Variants in CEP128 observed in about 807,000 individuals in gnomAD.
CEP128 encodes the protein centrosomal protein 128, also known as centrosomal protein 128kDa.
A neutral mutation model predicts 156.7 loss-of-function variants in CEP128; 132 were observed. The ratio of observed to expected loss-of-function variants is 0.84; its 90% confidence interval spans 0.73 to 0.97. The LOEUF (loss-of-function observed/expected upper bound fraction) is 0.97. Among genes scored for constraint, CEP128 ranks in the 50% least tolerant of loss-of-function variants. The pLI, the probability that CEP128 is intolerant of heterozygous loss-of-function variation, is 0.00. For missense variants in CEP128, 1,252 were observed against 1,281.9 expected, an observed-to-expected ratio of 0.98 and a Z score of 0.36; for synonymous variants, 469 against 448.9, an observed-to-expected ratio of 1.04 and a Z score of -0.57.
chr14:80,485,685 G>A (rs61979241), downstream of CEP128, among the ~76,000 whole-genome samples: 700 of 152,184 alleles, frequency 4.6e-3, 7 homozygotes, highest in Non-Finnish European at 5.0e-3. Flanking sequence ...GCACATAATA[G>A]GTCCACAAGA....
intron 19 of CEP128, among the ~76,000 whole-genome samples, chr14:80,694,951 A>C (rs976671541): frequency 1.3e-5 from 2 of 152,146 alleles, no homozygotes; most frequent in East Asian, 3.9e-4. Context: ...TCCTTAAAAC[A>C]AGAGATTTAG....
At chr14:80,748,395 G>A (rs1158837452) in intron 18 of CEP128, among the ~76,000 whole-genome samples, 2 of 152,020 alleles carry the variant, frequency 1.3e-5, no homozygotes, top group East Asian at 3.9e-4. Context: ...AAGAATACAG[G>A]AAAAATATAA....
chr14:80,484,602 C>A (rs1012761165), intron 14 of CEP128, among the ~76,000 whole-genome samples: 1 of 152,140 alleles, frequency 6.6e-6, no homozygotes, highest in Non-Finnish European at 1.5e-5. Flanking sequence ...TGGTGATTGC[C>A]ACTTTGATAG....
At chr14:80,653,131 T>C (rs1894980466) in intron 19 of CEP128, among the ~76,000 whole-genome samples, 1 of 152,088 alleles carries the variant, frequency 6.6e-6, no homozygotes, top group Non-Finnish European at 1.5e-5. Context: ...AAGTGGGAGT[T>C]GAACAATGAG....
rs1370571797 is a variant in CEP128 at position 80,628,642 on chromosome 14, A to G, written c.2807-48219T>C. On this transcript the variant is annotated intron_variant, in intron 19 of 24. Transcript: ENST00000555265. ...TATTATAGGGCTAACTACGCTGTCT[A>G]TTTTAGCTTTGGACAAATGACTGAA... Among the ~76,000 whole-genome samples the G allele has an allele frequency of 2.0e-5, 3 of 152,116 alleles. No homozygotes were observed. The East Asian group carries it at 5.8e-4, about 29-fold the overall frequency.
chr14:80,640,518 C>A (rs1326510367), intron 19 of CEP128, among the ~76,000 whole-genome samples: 1 of 152,114 alleles, frequency 6.6e-6, no homozygotes, highest in Non-Finnish European at 1.5e-5. Context: ...ATACTATGAA[C>A]CATATCCTCA....
intron 8 of CEP128, among the ~76,000 whole-genome samples, chr14:80,870,392 A>C (rs927572869): frequency 6.6e-6 from 1 of 151,922 alleles, no homozygotes; most frequent in Non-Finnish European, 1.5e-5. Flanking sequence ...TCATTACACC[A>C]ATCATTACAC....
At chr14:80,656,346 T>TAA (rs56063705) in intron 19 of CEP128, among the ~76,000 whole-genome samples, 37,632 of 70,318 alleles carry the variant, frequency 0.54, 12,577 homozygotes, top group Non-Finnish European at 0.57. Flanking sequence ...TATATAGCAA[T>TAA]AAAAAAAAAA....
chr14:80,780,129 G>A (rs1254567489), intron 15 of CEP128, among the ~76,000 whole-genome samples: 10 of 152,056 alleles, frequency 6.6e-5, no homozygotes, highest in Non-Finnish European at 7.4e-5. Context: ...GATTCTAGAA[G>A]GAGGAAAAAA....
Position 80,526,947 on chromosome 14 carries a change from T to A in CEP128, c.2994A>T (p.Arg998Ser). 1 of 1,607,336 alleles carries A rather than the reference T, an allele frequency of 6.2e-7. No individual in the cohort carries two copies. The highest frequency in any genetic ancestry group is 8.5e-7 in the Non-Finnish European group (1 of 1,176,876). The change falls in exon 23 of 25, where the codon AGA becomes AGT. Residue 998 changes from arginine (R) to serine (S), a missense_variant. Physicochemically the swap from Arg to Ser is moderately radical, Grantham distance 110 (BLOSUM62 -1). Coordinates refer to ENST00000555265, the MANE Select transcript of CEP128 (RefSeq NM_152446.5). ...SCSSSERTDGRYSKYRVRRNS... is the reference protein window; with the variant it reads ...SCSSSERTDGSYSKYRVRRNS... ...TTCTGCGAACCCTGTATTTGGAATATCTTCCATCAGTTCTCTCAGATGAAC... is the reference window on the plus strand; with the variant it reads ...TTCTGCGAACCCTGTATTTGGAATAACTTCCATCAGTTCTCTCAGATGAAC...
At chr14:80,711,465 T>G (rs1444359531) in intron 19 of CEP128, among the ~76,000 whole-genome samples, 4 of 152,094 alleles carry the variant, frequency 2.6e-5, no homozygotes. Flanking sequence ...ATAATATATG[T>G]AAAATTACAG....
rs184465501 is a variant in CEP128 at position 80,579,342 on chromosome 14, T to A, written c.2856+1032A>T. On this transcript the variant is annotated intron_variant, in intron 20 of 24. Coordinates refer to ENST00000555265, the MANE Select transcript of CEP128 (RefSeq NM_152446.5). ...ACTAACCAATGCTCTTTTTTTTTTT[T>A]TATACCTGAATATAGTACAAGATGT... 6.6e-4 allele frequency among the ~76,000 whole-genome samples: 101 copies of A among 152,180 alleles called. 1 individual carries two copies. The highest frequency in any genetic ancestry group is 6.2e-3 in the East Asian group (32 of 5,186).
chr14:80,559,169 T>A (rs962237233), intron 21 of CEP128, 110 bp downstream of exon 21: 2 of 940,674 alleles, frequency 2.1e-6, no homozygotes, highest in Non-Finnish European at 3.4e-6. Context: ...ACATCTTAGA[T>A]GTAGTTTTCG....
chr14:80,540,946 T>C (rs772617800), intron 21 of CEP128, among the ~76,000 whole-genome samples: 3 of 152,224 alleles, frequency 2.0e-5, no homozygotes, highest in Non-Finnish European at 4.4e-5. Context: ...GCATTTTGGC[T>C]GTAAACTTCT....
intron 19 of CEP128, among the ~76,000 whole-genome samples, chr14:80,625,854 C>G (rs1893695511): frequency 1.3e-5 from 2 of 148,398 alleles, no homozygotes; most frequent in African/African-American, 5.0e-5. Flanking sequence ...CTCTTTCTTT[C>G]CTTTCTTTCT....
intron 19 of CEP128, among the ~76,000 whole-genome samples, chr14:80,631,566 T>C (rs1371830173): frequency 6.6e-6 from 1 of 152,074 alleles, no homozygotes; most frequent in African/African-American, 2.4e-5. Context: ...TGTGATTCGG[T>C]ATCTGCAAAG....
At chr14:80,798,201 T>A (rs1486162504) in intron 13 of CEP128, among the ~76,000 whole-genome samples, 1 of 152,248 alleles carries the variant, frequency 6.6e-6, no homozygotes, top group Non-Finnish European at 1.5e-5. Flanking sequence ...TCTTTTCTCT[T>A]TCTTTCTTCA....
upstream of CEP128, among the ~76,000 whole-genome samples, chr14:80,942,060 C>A (rs1886192299): frequency 6.6e-6 from 1 of 151,560 alleles, no homozygotes; most frequent in Non-Finnish European, 1.5e-5. Context: ...CCTTGGGGGA[C>A]AAAAGGAGTC....
intron 19 of CEP128, among the ~76,000 whole-genome samples, chr14:80,629,813 T>C (rs1367883687): frequency 6.6e-6 from 1 of 152,012 alleles, no homozygotes; most frequent in East Asian, 1.9e-4. Flanking sequence ...CACATATTTC[T>C]GGGATACTAT....
Sources: gnomAD v4.1 joint callset for allele counts (sites outside exome capture counted in the v4.1 genomes callset) on GRCh38, gnomAD v4.1.1 for gene constraint, MANE v1.5 for transcripts, NCBI Gene and HGNC (gene_info 2026-07-23, HGNC 2026-07-21) for gene names.